Variants in LPIN1 observed in about 807,000 individuals in gnomAD.
The protein encoded by LPIN1 is phosphatidate phosphatase LPIN1.
A neutral mutation model predicts 107.5 loss-of-function variants in LPIN1; 71 were observed. That is an observed-to-expected ratio of 0.66 (90% CI 0.55 to 0.80). The LOEUF (loss-of-function observed/expected upper bound fraction) is 0.80. LPIN1 is among the 30% of genes least tolerant of loss of function. The pLI is 0.00. For synonymous variants in LPIN1, 445 were observed against 452.6 expected, an observed-to-expected ratio of 0.98 and a Z score of 0.21; for missense variants, 1,043 against 1,160.6, an observed-to-expected ratio of 0.90 and a Z score of 1.47.
At position 11,824,517 on chromosome 2, in the gene LPIN1, C is replaced by G. The variant is rs180695696; in HGVS notation, c.2622-115C>G. 3 of 952,392 alleles carry G rather than the reference C, an allele frequency of 3.1e-6. No individual in the cohort carries two copies. The South Asian group carries it at 4.0e-5, about 13-fold the overall frequency. 59.0% of individuals were successfully genotyped at this position (952,392 alleles called of 1,614,324 possible). A position where few individuals can be genotyped will look rare whatever the true frequency, so the allele number is the denominator to read the frequency against. ...TATTCTAGAATGACTTGAGTCGTGTCGATAAGTAGGCGGTCTGCTCCTTGA... is the reference window on the plus strand; with the variant it reads ...TATTCTAGAATGACTTGAGTCGTGTGGATAAGTAGGCGGTCTGCTCCTTGA... On this transcript the variant is annotated intron_variant, in intron 20 of 20. Coordinates refer to ENST00000674199, the MANE Select transcript of LPIN1 (RefSeq NM_001349206.2).
intron 2 of LPIN1, among the ~76,000 whole-genome samples, chr2:11,766,741 C>A (rs1225744680): frequency 6.6e-6 from 1 of 150,510 alleles, no homozygotes; most frequent in Admixed American, 6.6e-5. Flanking sequence ...GGACCAGTTC[C>A]TGGGCTCTTA....
intron 1 of LPIN1, among the ~76,000 whole-genome samples, chr2:11,725,240 G>C (rs547898608): frequency 6.6e-6 from 1 of 152,016 alleles, no homozygotes; most frequent in African/African-American, 2.4e-5. Context: ...CAGCCTGGGG[G>C]ACAGAGCGAG....
Position 11,753,588 on chromosome 2 carries a change from T to C in LPIN1, c.-10+6917T>C, listed in dbSNP as rs1668195385. On this transcript the variant is annotated intron_variant, in intron 1 of 20. Coordinates refer to ENST00000674199, the MANE Select transcript of LPIN1 (RefSeq NM_001349206.2). ...CCAGTTACAGCAGGGCGTGGGCTGC[T>C]GCCCAGGTGGCCTGACTTTCTGTCT... 3.3e-5 allele frequency among the ~76,000 whole-genome samples: 5 copies of C among 152,352 alleles called. No individual in the cohort carries two copies. The South Asian group carries it at 1.0e-3, about 32-fold the overall frequency.
chr2:11,809,705 T>C (rs1345252308), intron 17 of LPIN1, among the ~76,000 whole-genome samples: 2 of 152,232 alleles, frequency 1.3e-5, no homozygotes. Flanking sequence ...CGTGAGCCAC[T>C]GCGCCCGGCC....
In LPIN1 at chr2:11,766,029, C is replaced by T. The variant is rs530747788; in HGVS notation, c.192+296C>T. ...GCTCTCTGGGGCCTCAGCTGGAAAG[C>T]TCAAAGGCTGAGGGCTGGAATCATC... is the stretch of plus-strand genomic sequence containing the variant. On this transcript the variant is annotated intron_variant, in intron 2 of 20. Coordinates refer to ENST00000674199, the MANE Select transcript of LPIN1 (RefSeq NM_001349206.2). Among the ~76,000 whole-genome samples, 45 of 152,336 alleles carry T rather than the reference C, an allele frequency of 3.0e-4. 1 individual carries two copies. The highest frequency in any genetic ancestry group is 1.0e-3 in the African/African-American group (43 of 41,572).
chr2:11,811,712 C>T (rs967599171), intron 17 of LPIN1, among the ~76,000 whole-genome samples: 12 of 152,192 alleles, frequency 7.9e-5, no homozygotes, highest in East Asian at 3.8e-4. Flanking sequence ...ATTGGCTGGG[C>T]GCAGAGGCTC....
Position 11,784,821 on chromosome 2 carries a change from T to G in LPIN1, c.1359-65T>G, listed in dbSNP as rs1296620270. On this transcript the variant is annotated intron_variant, in intron 9 of 20. Coordinates refer to ENST00000674199, the MANE Select transcript of LPIN1 (RefSeq NM_001349206.2). ...GGCCGCGTGCCAGAGCATCACTGGA[T>G]GGTGATGTAGGACCCTGAACTGGGA... 3 of 1,482,436 alleles carry G rather than the reference T, an allele frequency of 2.0e-6. No homozygotes were observed. In the African/African-American group the frequency reaches 4.1e-5, roughly 20 times the overall value. The allele number at this position is 1,482,436 out of a possible 1,614,324, so 91.8% of individuals were successfully genotyped here. A position where few individuals can be genotyped will look rare whatever the true frequency, so the allele number is the denominator to read the frequency against.
intron 1 of LPIN1, among the ~76,000 whole-genome samples, chr2:11,689,355 A>G (rs1274829536): frequency 2.0e-5 from 3 of 152,260 alleles, no homozygotes; most frequent in South Asian, 2.1e-4. Context: ...TGGACTTTTG[A>G]GGCTTAGTAT....
intron 17 of LPIN1, among the ~76,000 whole-genome samples, chr2:11,812,661 A>ATGGGGT (rs1481175251): frequency 6.6e-6 from 1 of 152,058 alleles, no homozygotes; most frequent in African/African-American, 2.4e-5. Context: ...GTCATTGCAG[A>ATGGGGT]TGGGGTTGGG....
chr2:11,786,716 C>G lies in LPIN1; in HGVS notation c.1550-358C>G, dbSNP rs187962778. On this transcript the variant is annotated intron_variant, in intron 10 of 20. Transcript: ENST00000674199. This position sits in a 1 kb window ranked among gnomAD's most constrained non-coding sequence, Gnocchi z 4.1. ...GCTTGCCCAGGGTTACCCCCGTAAT[C>G]GTGACTTCAGCCGAGGGAGCCTGGC... is the stretch of plus-strand genomic sequence containing the variant. 1.0e-3 allele frequency among the ~76,000 whole-genome samples: 153 copies of G among 152,334 alleles called. No homozygotes were observed. The highest frequency in any genetic ancestry group is 6.8e-3 in the Middle Eastern group (2 of 294).
Position 11,773,303 on chromosome 2 carries a change from G to C in LPIN1, c.597-317G>C, listed in dbSNP as rs72774001. On this transcript the variant is annotated intron_variant, in intron 4 of 20. Transcript: ENST00000674199. Reference sequence around the variant, plus strand: ...GGCCACTCTACCTCCCAGGCTTTTGGAACATGACCGTGTAGGGTAGCAGGA... The same window carrying C: ...GGCCACTCTACCTCCCAGGCTTTTGCAACATGACCGTGTAGGGTAGCAGGA... Among the ~76,000 whole-genome samples, 2,386 of 152,280 alleles carry C rather than the reference G, an allele frequency of 0.016. 38 individuals carry two copies. Among genetic ancestry groups the C allele is most frequent in the South Asian group, 0.051 (244 of 4,824 alleles).
Position 11,786,945 on chromosome 2 carries a change from G to A in LPIN1, c.1550-129G>A, listed in dbSNP as rs1572824539. ...CGGCCTTTACAAATACATTTTATAG[G>A]ATTGTCTGCACAGTTGGAATGCACA... is the stretch of plus-strand genomic sequence containing the variant. On this transcript the variant is annotated intron_variant, in intron 10 of 20. Transcript: ENST00000674199. The surrounding 1 kb of genome is among the most constrained non-coding windows in gnomAD (Gnocchi z 4.1). 5 of 726,752 alleles carry A rather than the reference G, an allele frequency of 6.9e-6. No homozygotes were observed. The East Asian group carries it at 1.3e-4, about 19-fold the overall frequency. 45.0% of individuals were successfully genotyped at this position (726,752 alleles called of 1,614,324 possible).
chr2:11,792,712 A>G (rs535493630), intron 13 of LPIN1, among the ~76,000 whole-genome samples: 2 of 152,312 alleles, frequency 1.3e-5, no homozygotes, highest in East Asian at 1.9e-4. Context: ...AGGCATACTC[A>G]CAGCAGTTGA....
In LPIN1 at chr2:11,724,988, C is replaced by T. The variant is rs978550806; in HGVS notation, c.-72+449C>T. Among the ~76,000 whole-genome samples, 19 of 152,264 alleles carry T rather than the reference C, an allele frequency of 1.2e-4. 1 individual carries two copies. Among genetic ancestry groups the T allele is most frequent in the South Asian group, 4.1e-4 (2 of 4,822 alleles). On this transcript the variant is annotated intron_variant, in intron 1 of 21. Coordinates refer to the LPIN1 transcript ENST00000396097. ...TTAACATGGGGAATGCGTGGCCGGG[C>T]GCGGTGGCTCACACCTGTAACCCAG...
intron 1 of LPIN1, among the ~76,000 whole-genome samples, chr2:11,729,868 G>A (rs560869748): frequency 6.7e-6 from 1 of 150,178 alleles, no homozygotes; most frequent in Non-Finnish European, 1.5e-5. Flanking sequence ...AATAGAAAAT[G>A]CCTCTGTGTG....
At chr2:11,753,558 G>A (rs1274107823) in intron 1 of LPIN1, among the ~76,000 whole-genome samples, 1 of 152,236 alleles carries the variant, frequency 6.6e-6, no homozygotes, top group Non-Finnish European at 1.5e-5. Flanking sequence ...GCCTATAAGT[G>A]TGTGCCAGTT....
At chr2:11,738,713 G>A (rs1047028808) in intron 1 of LPIN1, among the ~76,000 whole-genome samples, 1 of 152,238 alleles carries the variant, frequency 6.6e-6, no homozygotes, top group African/African-American at 2.4e-5. Flanking sequence ...GGCCTGCCCA[G>A]CTCAGGAGAT....
intron 12 of LPIN1, among the ~76,000 whole-genome samples, chr2:11,789,432 G>A (rs553106851): frequency 1.4e-4 from 21 of 152,072 alleles, no homozygotes; most frequent in Middle Eastern, 3.2e-3. Context: ...ATGTGTGTGC[G>A]TGTGTGTATG....
intron 1 of LPIN1, among the ~76,000 whole-genome samples, chr2:11,692,881 A>G (rs967643919): frequency 2.0e-5 from 3 of 152,246 alleles, no homozygotes; most frequent in Admixed American, 1.3e-4. Flanking sequence ...ATACAGAGAT[A>G]AATAGGATTC....
Sources: gnomAD v4.1 joint callset for allele counts (sites outside exome capture counted in the v4.1 genomes callset) on GRCh38, gnomAD v4.1.1 for gene constraint, Gnocchi (gnomAD v3.1) non-coding constraint, MANE v1.5 for transcripts, NCBI Gene and HGNC (gene_info 2026-07-23, HGNC 2026-07-21) for gene names.